The following ARHGAP8 variants were observed in gnomAD, a reference collection of about 807,000 sequenced individuals.
ARHGAP8 encodes Rho GTPase activating protein 8.
A neutral mutation model predicts 46.1 loss-of-function variants in ARHGAP8; 62 were observed. The ratio of observed to expected loss-of-function variants is 1.34; its 90% confidence interval spans 1.10 to 1.66. The LOEUF (loss-of-function observed/expected upper bound fraction) is 1.66. Ranked by LOEUF, ARHGAP8 falls within the 40% of genes most tolerant of loss-of-function variation. ARHGAP8 has a pLI of 0.00. For missense variants in ARHGAP8, 923 were observed against 568.4 expected (o/e 1.62, Z -6.34); for synonymous variants, 375 against 243.1 (o/e 1.54, Z -5.05).
At chr22:44,846,875 A>AG (rs1218856378) in intron 8 of ARHGAP8, among the ~76,000 whole-genome samples, 1 of 150,652 alleles carries the variant, frequency 6.6e-6, no homozygotes, top group Non-Finnish European at 1.5e-5. Context: ...GGTCCCTGTT[A>AG]GGGGGGTTGA....
intron 2 of ARHGAP8, 55 bp downstream of exon 2, chr22:44,786,661 G>A (rs927669154): frequency 8.3e-6 from 13 of 1,562,706 alleles, no homozygotes; most frequent in African/African-American, 1.4e-5. Context: ...CCTTCCTCTC[G>A]GCAACTTTGA....
intron 4 of ARHGAP8, among the ~76,000 whole-genome samples, chr22:44,814,184 A>G (rs954566329): frequency 6.6e-6 from 1 of 152,192 alleles, no homozygotes; most frequent in Admixed American, 6.5e-5. Context: ...GGGTGTTCCA[A>G]TGTGTGGGTG....
intron 3 of ARHGAP8, among the ~76,000 whole-genome samples, chr22:44,806,824 C>T (rs1347570996): frequency 6.6e-6 from 1 of 151,916 alleles, no homozygotes; most frequent in South Asian, 2.1e-4. Flanking sequence ...ATTAGCCGGG[C>T]GTGGTGGCAG....
intron 7 of ARHGAP8, among the ~76,000 whole-genome samples, chr22:44,826,462 C>G (rs9614575): frequency 0.18 from 26,854 of 152,058 alleles, 2,464 homozygotes; most frequent in South Asian, 0.21. Flanking sequence ...TCTTGCTCTG[C>G]TTCTCAGGCA....
intron 3 of ARHGAP8, among the ~76,000 whole-genome samples, 176 bp downstream of exon 3, chr22:44,802,340 CT>C (rs1928619771): frequency 1.3e-5 from 2 of 152,240 alleles, no homozygotes; most frequent in Admixed American, 1.3e-4. Context: ...GTGGACACCC[CT>C]GGTCCCTGGG....
intron 10 of ARHGAP8, chr22:44,850,327 G>C (rs1490020442): frequency 1.3e-5 from 2 of 152,228 alleles, no homozygotes; most frequent in African/African-American, 2.4e-5. Flanking sequence ...TCAGAGCCAG[G>C]CTGAGCCTCA....
At chr22:44,831,063 C>G (rs1054686244) in intron 7 of ARHGAP8, among the ~76,000 whole-genome samples, 2 of 152,196 alleles carry the variant, frequency 1.3e-5, no homozygotes, top group African/African-American at 2.4e-5. Flanking sequence ...ATGCTAGACC[C>G]TAGGCCCTTA....
At chr22:44,757,805 A>ATTTT (rs132444) in intron 1 of ARHGAP8, among the ~76,000 whole-genome samples, 1 of 137,010 alleles carries the variant, frequency 7.3e-6, no homozygotes, top group Non-Finnish European at 1.6e-5. Context: ...TGCCTGGCTA[A>ATTTT]TTTTTTTTTT....
chr22:44,836,923 G>C (rs1199041172), intron 7 of ARHGAP8, among the ~76,000 whole-genome samples: 1 of 152,108 alleles, frequency 6.6e-6, no homozygotes, highest in Non-Finnish European at 1.5e-5. Context: ...CTGTCACCCA[G>C]GTTGGAGTGC....
intron 6 of ARHGAP8, among the ~76,000 whole-genome samples, chr22:44,824,491 A>C (rs11912684): frequency 7.9e-5 from 12 of 152,222 alleles, no homozygotes; most frequent in African/African-American, 1.2e-4. Context: ...ACTAATGGTC[A>C]TGTGCCCCCC....
At chr22:44,839,643 G>T (rs948323694) in intron 7 of ARHGAP8, among the ~76,000 whole-genome samples, 1 of 152,120 alleles carries the variant, frequency 6.6e-6, no homozygotes, top group East Asian at 1.9e-4. Context: ...TCCTAGTGTC[G>T]TCCTCTGATC....
In ARHGAP8 at chr22:44,854,024, C is replaced by CAAAAA. The variant is rs71315119; in HGVS notation, c.877+4998_877+5002dup. On this transcript the variant is annotated intron_variant, in intron 10 of 11. Coordinates refer to ENST00000356099, the MANE Select transcript of ARHGAP8 (RefSeq NM_181335.3). ...CCTGGGACACAGCGAGACTCTGTCT[C>CAAAAA]AAAAAAAAAAAAAAAAAAAAAAAAA... is the stretch of plus-strand genomic sequence containing the variant. Among the ~76,000 whole-genome samples, 14 of 43,302 alleles carry CAAAAA rather than the reference C, an allele frequency of 3.2e-4. 1 individual carries two copies. Among genetic ancestry groups the CAAAAA allele is most frequent in the East Asian group, 1.4e-3 (2 of 1,444 alleles). The allele number at this position is 43,302 out of a possible 152,430, so 28.4% of individuals were successfully genotyped here.
chr22:44,814,996 C>A (rs1488031878), intron 5 of ARHGAP8, among the ~76,000 whole-genome samples: 2 of 152,128 alleles, frequency 1.3e-5, no homozygotes, highest in Non-Finnish European at 2.9e-5. Context: ...GTTTAAAAGC[C>A]CCCCTTTGCC....
chr22:44,782,286 A>G (rs1046279245), intron 1 of ARHGAP8, among the ~76,000 whole-genome samples: 4 of 152,210 alleles, frequency 2.6e-5, no homozygotes, highest in African/African-American at 9.7e-5. Flanking sequence ...ACAGTGAGCC[A>G]AGATCGCACC....
intron 1 of ARHGAP8, among the ~76,000 whole-genome samples, chr22:44,760,915 G>T (rs142615950): frequency 6.6e-6 from 1 of 152,192 alleles, no homozygotes; most frequent in South Asian, 2.1e-4. Flanking sequence ...GGCTTGTCAG[G>T]GAGGGTCGGG....
In ARHGAP8 at chr22:44,787,041, A is replaced by AAAAAC. The variant is rs1360308441; in HGVS notation, c.79+439_79+440insCAAAA. On this transcript the variant is annotated intron_variant, in intron 2 of 11. Transcript: ENST00000356099. ...TGAGACCCTGTCTCAAAAAAACAAAAAAAAAAAAAAGAAAGAAGTAAAACT... is the reference window on the plus strand; with the variant it reads ...TGAGACCCTGTCTCAAAAAAACAAAAAAAACAAAAAAAAAAGAAAGAAGTAAAACT... Among the ~76,000 whole-genome samples, 913 of 148,014 alleles carry AAAAAC rather than the reference A, an allele frequency of 6.2e-3. 26 individuals are homozygous for AAAAAC. Among genetic ancestry groups the AAAAAC allele is most frequent in the African/African-American group, 0.021 (869 of 40,612 alleles).
At position 44,858,373 on chromosome 22, in the gene ARHGAP8, T is replaced by TC. The variant is rs1181797816; in HGVS notation, c.878-1358_878-1357insC. Among the ~76,000 whole-genome samples, 1,274 of 148,438 alleles carry TC rather than the reference T, an allele frequency of 8.6e-3. 22 individuals are homozygous for TC. The highest frequency in any genetic ancestry group is 0.031 in the African/African-American group (1,221 of 39,626). On this transcript the variant is annotated intron_variant, in intron 10 of 11. Transcript: ENST00000356099. ...AATACTTGTTGGTTGGTGGTGGTTT[T>TC]TTTTTTTTTTTGAGATGGAGTTTCA...
intron 9 of ARHGAP8, 54 bp from the exon 10 acceptor site, chr22:44,848,878 C>T (rs766890489): frequency 3.3e-5 from 53 of 1,605,748 alleles, no homozygotes; most frequent in African/African-American, 6.7e-5. Flanking sequence ...CGTTCTGCAG[C>T]GGCAGTGCCC....
At chr22:44,802,711 G>A (rs957903486) in intron 3 of ARHGAP8, among the ~76,000 whole-genome samples, 1 of 152,154 alleles carries the variant, frequency 6.6e-6, no homozygotes. Context: ...GAGGCTGCGG[G>A]GGAGCTTCTG....
Sources: gnomAD v4.1 joint callset for allele counts (sites outside exome capture counted in the v4.1 genomes callset) on GRCh38, gnomAD v4.1.1 for gene constraint, MANE v1.5 for transcripts, NCBI Gene and HGNC (gene_info 2026-07-23, HGNC 2026-07-21) for gene names.